The following TMEM132B variants were observed in gnomAD, a reference collection of about 807,000 sequenced individuals.
The protein encoded by TMEM132B is transmembrane protein 132B.
TMEM132B carries 18 observed loss-of-function variants against 90.8 expected under a neutral mutation model. The observed-to-expected ratio is 0.20, with a 90% confidence interval of 0.14 to 0.29. The LOEUF is 0.29. Among genes scored for constraint, TMEM132B ranks in the 10% least tolerant of loss-of-function variants. The probability of loss-of-function intolerance (pLI) is 1.00; values close to 1 mark genes in which losing one functional copy is unlikely to be tolerated. For missense variants in TMEM132B, 1,096 were observed against 1,326.8 expected, an observed-to-expected ratio of 0.83 and a Z score of 2.70; for synonymous variants, 504 against 523.3, an observed-to-expected ratio of 0.96 and a Z score of 0.50.
At chr12:125,304,600 T>A (rs1875912751) in intron 1 of TMEM132B, among the ~76,000 whole-genome samples, 1 of 152,166 alleles carries the variant, frequency 6.6e-6, no homozygotes, top group Non-Finnish European at 1.5e-5. Context: ...TGGTATAAGG[T>A]ATAAAGGTCC....
intron 3 of TMEM132B, among the ~76,000 whole-genome samples, chr12:125,456,703 C>T (rs796095676): frequency 5.3e-5 from 8 of 152,292 alleles, no homozygotes; most frequent in African/African-American, 1.9e-4. Flanking sequence ...CCCAGGCCTC[C>T]CCACTGCAGT....
At chr12:125,276,204 G>A (rs963849976) in intron 1 of TMEM132B, among the ~76,000 whole-genome samples, 1 of 152,182 alleles carries the variant, frequency 6.6e-6, no homozygotes, top group Non-Finnish European at 1.5e-5. Context: ...TAAAGGATAA[G>A]GAAAAACAGA....
Position 125,246,119 on chromosome 12 carries a change from C to CT in TMEM132B, c.67+59253_67+59254insT, listed in dbSNP as rs1874201960. Among the ~76,000 whole-genome samples, 1 of 152,244 alleles carries CT rather than the reference C, an allele frequency of 6.6e-6. No homozygotes were observed. Among genetic ancestry groups the CT allele is most frequent in the Non-Finnish European group, 1.5e-5 (1 of 68,044 alleles). On this transcript the variant is annotated intron_variant, in intron 1 of 8. Coordinates refer to ENST00000682704, the MANE Select transcript of TMEM132B (RefSeq NM_001366854.1). This position sits in a 1 kb window ranked among gnomAD's most constrained non-coding sequence, Gnocchi z 4.2. ...CCTGGCAGTGACTGGCGCTGCCTCT[C>CT]CAGTGATCCAGTGATCCTGCTGGCT...
chr12:125,579,643 T>G (rs1885010118), intron 4 of TMEM132B, among the ~76,000 whole-genome samples: 1 of 152,190 alleles, frequency 6.6e-6, no homozygotes, highest in South Asian at 2.1e-4. Flanking sequence ...ATTACAGGTG[T>G]GAGCCACTGC....
intron 4 of TMEM132B, among the ~76,000 whole-genome samples, chr12:125,560,859 A>AAAAAAAAAAAAAAAAAAAAAAC (rs2136792360): frequency 6.7e-6 from 1 of 149,682 alleles, no homozygotes; most frequent in African/African-American, 2.5e-5. Flanking sequence ...AAAAAAAAAA[A>AAAAAAAAAAAAAAAAAAAAAAC]AGTCAGGAAA....
intron 1 of TMEM132B, among the ~76,000 whole-genome samples, chr12:125,281,602 A>G (rs1289590987): frequency 6.6e-6 from 1 of 152,148 alleles, no homozygotes; most frequent in Admixed American, 6.5e-5. Flanking sequence ...GTAGCGTAAT[A>G]TTGGGCACAC....
At chr12:125,519,412 G>C in intron 3 of TMEM132B, 27 bp from the exon 4 acceptor site, 3 of 1,569,386 alleles carry the variant, frequency 1.9e-6, no homozygotes, top group Non-Finnish European at 2.6e-6. Context: ...GTTTTAAATG[G>C]AACCTTAATA....
intron 1 of TMEM132B, among the ~76,000 whole-genome samples, chr12:125,224,465 A>G (rs10846843): frequency 0.037 from 5,623 of 152,338 alleles, 129 homozygotes; most frequent in Non-Finnish European, 0.049. Context: ...AAGGACTTCC[A>G]GGAGACAGAG....
intron 1 of TMEM132B, among the ~76,000 whole-genome samples, chr12:125,340,535 G>A (rs912979864): frequency 6.6e-6 from 1 of 152,068 alleles, no homozygotes; most frequent in African/African-American, 2.4e-5. Context: ...ACATGGTGGT[G>A]GAAATTATGA....
chr12:125,237,250 C>T (rs1286922741), intron 1 of TMEM132B, among the ~76,000 whole-genome samples: 5 of 152,074 alleles, frequency 3.3e-5, no homozygotes. Context: ...CAGGTGACCT[C>T]CAGGGGGCAC....
intron 4 of TMEM132B, among the ~76,000 whole-genome samples, chr12:125,551,087 A>G (rs1256117030): frequency 6.6e-6 from 1 of 152,278 alleles, no homozygotes; most frequent in Non-Finnish European, 1.5e-5. Context: ...TGTTGGGACT[A>G]CAGGCGTGAG....
In TMEM132B at chr12:125,251,143, G is replaced by T. The variant is rs1300471942; in HGVS notation, c.67+64277G>T. Among the ~76,000 whole-genome samples, 6 of 152,196 alleles carry T rather than the reference G, an allele frequency of 3.9e-5. No individual in the cohort carries two copies. The highest frequency in any genetic ancestry group is 3.9e-4 in the Admixed American group (6 of 15,282). On this transcript the variant is annotated intron_variant, in intron 1 of 8. Transcript: ENST00000682704. The surrounding 1 kb of genome is among the most constrained non-coding windows in gnomAD (Gnocchi z 4.4). The stretch of plus-strand genomic sequence containing the variant: ...GACATCATCCTTCAATAGGGCAGAG[G>T]TGTCTTCCTGGGCTGGCCTGAGAGA...
At chr12:125,243,010 CATATATAT>C (rs763167605) in intron 1 of TMEM132B, among the ~76,000 whole-genome samples, 1 of 109,340 alleles carries the variant, frequency 9.1e-6, no homozygotes, top group African/African-American at 3.7e-5. Context: ...TCTCTTTCTT[CATATATAT>C]ATATATATAT....
chr12:125,461,081 G>C (rs1187145025), intron 3 of TMEM132B, among the ~76,000 whole-genome samples: 2 of 152,196 alleles, frequency 1.3e-5, no homozygotes, highest in East Asian at 3.9e-4. Context: ...AAGATGTTCA[G>C]GAAGGTGATC....
At chr12:125,194,489 CT>C (rs1297959512) in intron 1 of TMEM132B, among the ~76,000 whole-genome samples, 2 of 152,212 alleles carry the variant, frequency 1.3e-5, no homozygotes, top group Non-Finnish European at 2.9e-5. Context: ...GGGGTCTTGG[CT>C]TTGTTTTTGG....
At chr12:125,527,666 A>G (rs892048468) in intron 4 of TMEM132B, among the ~76,000 whole-genome samples, 3 of 138,886 alleles carry the variant, frequency 2.2e-5, no homozygotes, top group African/African-American at 8.3e-5. Context: ...TTACCCTTCC[A>G]TTTACCCATT....
chr12:125,486,035 G>A (rs1245499950), intron 3 of TMEM132B, among the ~76,000 whole-genome samples: 5 of 152,174 alleles, frequency 3.3e-5, no homozygotes, highest in African/African-American at 9.6e-5. Flanking sequence ...TGTGTATTAG[G>A]ACAGTTGTGG....
chr12:125,621,689 G>A (rs1174800427), intron 5 of TMEM132B, among the ~76,000 whole-genome samples: 3 of 152,148 alleles, frequency 2.0e-5, no homozygotes, highest in Non-Finnish European at 4.4e-5. Context: ...GCATTGGCCA[G>A]CAAGATGAAC....
chr12:125,514,021 A>C (rs1037807385), intron 3 of TMEM132B, among the ~76,000 whole-genome samples: 2 of 152,174 alleles, frequency 1.3e-5, no homozygotes, highest in Non-Finnish European at 2.9e-5. Flanking sequence ...CAGGAACTGC[A>C]GTGACTATGG....
Sources: allele counts gnomAD v4.1 joint callset (sites outside exome capture counted in the v4.1 genomes callset), GRCh38; gene constraint gnomAD v4.1.1; non-coding constraint Gnocchi (gnomAD v3.1); transcripts MANE v1.5; gene names NCBI Gene and HGNC (gene_info 2026-07-23, HGNC 2026-07-21).